The following ZNF469 variants were observed in gnomAD, a reference collection of about 807,000 sequenced individuals.
ZNF469 encodes zinc finger protein 469.
In ZNF469, 1 loss-of-function variant was observed where a neutral mutation model predicts 1.0. The ratio of observed to expected loss-of-function variants is 1.00; its 90% confidence interval spans 0.35 to 4.73. ZNF469 has a LOEUF of 4.73. ZNF469 is among the 30% of genes most tolerant of loss of function. ZNF469 has a pLI of 0.16. For missense variants in ZNF469, 6,100 were observed against 5,356.3 expected (o/e 1.14, Z -4.33); for synonymous variants, 2,703 against 2,363.4 (o/e 1.14, Z -4.17).
rs1485087424 is a variant in ZNF469 at position 88,432,750 on chromosome 16, A to T, written c.5280A>T (p.Glu1760Asp). 1.8e-5 allele frequency: 28 copies of T among 1,550,258 alleles called. No homozygotes were observed. Among genetic ancestry groups the T allele is most frequent in the Non-Finnish European group, 2.4e-5 (28 of 1,147,000 alleles). ...PKNKEAASSQ[E>D]SEDSLRLLPC... ...ATAAGGAGGCCGCCAGCTCACAAGA[A>T]AGTGAAGACTCCCTGCGGCTGCTTC... is the stretch of plus-strand genomic sequence containing the variant. The change falls in exon 3 of 3, where the codon GAA becomes GAT. Residue 1760 changes from glutamate to aspartate, a missense_variant. By Grantham distance (45) the Glu-to-Asp change is conservative (BLOSUM62 2). Transcript: ENST00000565624.
chr16:88,285,566 G>T, the ZNF469 span, among the ~76,000 whole-genome samples: 2 of 152,268 alleles, frequency 1.3e-5, no homozygotes, highest in Non-Finnish European at 2.9e-5. Flanking sequence ...CGGCACCCAG[G>T]ACCCGAGGCC....
chr16:88,418,088 C>T lies in ZNF469; in HGVS notation c.-191-6719C>T, dbSNP rs147324279. Among the ~76,000 whole-genome samples the T allele has an allele frequency of 8.3e-4, 127 of 152,336 alleles. No homozygotes were observed. In the South Asian group the frequency reaches 0.011, roughly 13 times the overall value. ...GAGACCCCAGGAATAACAGCTGCCC[C>T]AGCTGGACTCTACCCGGGCTCCTGA... On this transcript the variant is annotated intron_variant, in intron 1 of 2. Coordinates refer to ENST00000565624, the MANE Select transcript of ZNF469 (RefSeq NM_001367624.2).
At chr16:88,395,345 G>GTGGA (rs1212581990) in intron 1 of ZNF469, among the ~76,000 whole-genome samples, 2 of 150,776 alleles carry the variant, frequency 1.3e-5, no homozygotes, top group African/African-American at 4.9e-5. Flanking sequence ...GGGTAGGTGG[G>GTGGA]TGGATGGATG....
chr16:88,210,469 A>G, the ZNF469 span, among the ~76,000 whole-genome samples: 1 of 152,238 alleles, frequency 6.6e-6, no homozygotes, highest in Non-Finnish European at 1.5e-5. Flanking sequence ...TATACCGTCA[A>G]ATATACCCAT....
At chr16:88,235,515 G>T in the ZNF469 span, among the ~76,000 whole-genome samples, 3 of 152,214 alleles carry the variant, frequency 2.0e-5, no homozygotes, top group Non-Finnish European at 4.4e-5. Flanking sequence ...ACCTGGATTT[G>T]AAACCAGCGC....
the ZNF469 span, among the ~76,000 whole-genome samples, chr16:88,231,626 C>G: frequency 6.6e-6 from 1 of 152,184 alleles, no homozygotes; most frequent in African/African-American, 2.4e-5. This position sits in a 1 kb window ranked among gnomAD's most constrained non-coding sequence, Gnocchi z 4.5. Flanking sequence ...GGCCCTTCCT[C>G]CACCTTCCAG....
At position 88,437,718 on chromosome 16, in the gene ZNF469, G is replaced by A; in HGVS notation, c.10248G>A (p.Lys3416=). 3.2e-6 allele frequency: 5 copies of A among 1,549,852 alleles called. No individual in the cohort carries two copies. The highest frequency in any genetic ancestry group is 2.6e-6 in the Non-Finnish European group (3 of 1,146,630). The change falls in exon 3 of 3, where the codon AAG becomes AAA. Residue 3416 remains lysine, a synonymous_variant. Transcript: ENST00000565624. ...LCATVMRIIK[K]SFACSSCNYT... ...CCACGGTTATGCGCATCATCAAGAA[G>A]TCCTTCGCCTGCAGCTCCTGCAACT...
intron 1 of ZNF469, among the ~76,000 whole-genome samples, chr16:88,386,322 A>G (rs1300642920): frequency 1.3e-5 from 2 of 151,978 alleles, no homozygotes; most frequent in African/African-American, 2.4e-5. Flanking sequence ...AAGGGTCCTC[A>G]TGGGTTCATC....
the ZNF469 span, among the ~76,000 whole-genome samples, chr16:88,240,372 C>A: frequency 6.6e-6 from 1 of 152,226 alleles, no homozygotes; most frequent in Non-Finnish European, 1.5e-5. Flanking sequence ...ATGAGAGAGG[C>A]AGAGAAAGAG....
the ZNF469 span, among the ~76,000 whole-genome samples, chr16:88,323,244 C>G: frequency 0.012 from 1,801 of 152,262 alleles, 25 homozygotes; most frequent in African/African-American, 0.041. Flanking sequence ...CCCCGGAGGC[C>G]TTGGTGGTGC....
the ZNF469 span, among the ~76,000 whole-genome samples, chr16:88,358,753 A>G: frequency 1.4e-4 from 21 of 151,556 alleles, no homozygotes; most frequent in African/African-American, 1.9e-4. Context: ...GAGTCTTGCT[A>G]TGTCTCTCAG....
upstream of ZNF469, among the ~76,000 whole-genome samples, chr16:88,382,801 G>A (rs545915304): frequency 2.4e-4 from 36 of 152,308 alleles, no homozygotes; most frequent in Middle Eastern, 0.01. Flanking sequence ...GCTGGGGAGT[G>A]TGAAGAGGGG....
intron 1 of ZNF469, among the ~76,000 whole-genome samples, chr16:88,405,855 A>G (rs1051435892): frequency 1.3e-5 from 2 of 152,232 alleles, no homozygotes; most frequent in Non-Finnish European, 2.9e-5. Context: ...TGGCCTCAGA[A>G]GCGGAAAAGC....
the ZNF469 span, among the ~76,000 whole-genome samples, chr16:88,181,658 G>T: frequency 6.6e-6 from 1 of 152,198 alleles, no homozygotes; most frequent in Non-Finnish European, 1.5e-5. Context: ...GCAAGGCAGT[G>T]CTTGGAAGAA....
the ZNF469 span, among the ~76,000 whole-genome samples, chr16:88,321,207 G>C: frequency 6.6e-6 from 1 of 152,384 alleles, no homozygotes; most frequent in African/African-American, 2.4e-5. Context: ...CCCACCTTGG[G>C]TTTCCCCCTC....
In ZNF469 at chr16:88,428,155, G is replaced by C; in HGVS notation, c.685G>C (p.Ala229Pro). Reference protein sequence around the residue: ...LQPGSYPEYQASGADSWPPAA... With the variant: ...LQPGSYPEYQPSGADSWPPAA... ...GCCCGGTTCCTATCCCGAATACCAGGCCAGTGGGGCCGACTCCTGGCCTCC... is the reference window on the plus strand; with the variant it reads ...GCCCGGTTCCTATCCCGAATACCAGCCCAGTGGGGCCGACTCCTGGCCTCC... Residue 229 changes from alanine (A) to proline (P), a missense_variant, in exon 3 of 3, where the codon GCC becomes CCC. By Grantham distance (27) the Ala-to-Pro change is conservative. Coordinates refer to ENST00000565624, the MANE Select transcript of ZNF469 (RefSeq NM_001367624.2). The C allele has an allele frequency of 6.5e-7, 1 of 1,550,184 alleles. No homozygotes were observed. Among genetic ancestry groups the C allele is most frequent in the African/African-American group, 1.4e-5 (1 of 73,148 alleles).
At chr16:88,415,177 T>A (rs73253630) in intron 1 of ZNF469, among the ~76,000 whole-genome samples, 1,687 of 152,268 alleles carry the variant, frequency 0.011, 39 homozygotes, top group African/African-American at 0.039. Context: ...CATGAGGCAG[T>A]GCTGGCCCGG....
chr16:88,144,173 C>T, the ZNF469 span, among the ~76,000 whole-genome samples: 1 of 152,154 alleles, frequency 6.6e-6, no homozygotes, highest in South Asian at 2.1e-4. Context: ...CAGTGAGCAG[C>T]CGGTGGGACA....
At chr16:88,161,364 C>T in the ZNF469 span, among the ~76,000 whole-genome samples, 4 of 152,178 alleles carry the variant, frequency 2.6e-5, no homozygotes, top group Middle Eastern at 3.2e-3. Context: ...TTGGAACTGA[C>T]AGTACTGCCT....
Sources: allele counts gnomAD v4.1 joint callset (sites outside exome capture counted in the v4.1 genomes callset), GRCh38; gene constraint gnomAD v4.1.1; non-coding constraint Gnocchi (gnomAD v3.1); transcripts MANE v1.5; gene names NCBI Gene and HGNC (gene_info 2026-07-23, HGNC 2026-07-21).